RIMS1: variants seen among roughly 807,000 people sequenced by gnomAD.
RIMS1 encodes the protein regulating synaptic membrane exocytosis 1.
In RIMS1, 83 loss-of-function variants were observed where a neutral mutation model predicts 214.1. The observed-to-expected ratio is 0.39, with a 90% CI of 0.32 to 0.47. RIMS1 has a LOEUF of 0.47. Ranked by LOEUF, RIMS1 falls within the 20% of genes least tolerant of loss-of-function variation. RIMS1 has a pLI of 0.99. For synonymous variants in RIMS1, 793 were observed against 786.8 expected (o/e 1.01, Z -0.13); for missense variants, 2,050 against 2,161.8 (o/e 0.95, Z 1.03).
chr6:72,293,567 T>C (rs1047812858), intron 26 of RIMS1, among the ~76,000 whole-genome samples: 3 of 151,944 alleles, frequency 2.0e-5, no homozygotes, highest in African/African-American at 7.2e-5. Context: ...TGCTAAAGAT[T>C]GATATTCTAA....
chr6:71,894,098 A>G (rs1770840867), intron 1 of RIMS1, among the ~76,000 whole-genome samples: 1 of 152,204 alleles, frequency 6.6e-6, no homozygotes, highest in African/African-American at 2.4e-5. Flanking sequence ...AGCAAGTGGT[A>G]GATATAAAAT....
At chr6:72,330,951 G>GA (rs369522266) in intron 28 of RIMS1, among the ~76,000 whole-genome samples, 17 of 149,802 alleles carry the variant, frequency 1.1e-4, no homozygotes, top group East Asian at 3.9e-4. Flanking sequence ...TATTTTTTGA[G>GA]AAAAAAAAAC....
chr6:72,179,495 T>C, intron 4 of RIMS1, 80 bp from the exon 5 acceptor site: 1 of 1,149,082 alleles, frequency 8.7e-7, no homozygotes, highest in Non-Finnish European at 1.3e-6. Context: ...GTTCTTTTTT[T>C]CTTAAATATA....
intron 27 of RIMS1, 124 bp from the exon 28 acceptor site, chr6:72,313,382 T>G: frequency 1.4e-6 from 1 of 714,992 alleles, no homozygotes. Flanking sequence ...ATTTTAGATA[T>G]TACAGCTACT....
At chr6:72,332,615 G>A (rs903936020) in intron 28 of RIMS1, among the ~76,000 whole-genome samples, 1 of 149,474 alleles carries the variant, frequency 6.7e-6, no homozygotes, top group Non-Finnish European at 1.5e-5. Context: ...CAGCACACCA[G>A]CATGGCACAT....
chr6:72,340,059 G>T (rs1207488658), intron 29 of RIMS1, among the ~76,000 whole-genome samples: 6 of 152,094 alleles, frequency 3.9e-5, no homozygotes, highest in Admixed American at 3.3e-4. Flanking sequence ...TTTTTCATGT[G>T]GTTTTTGGCT....
chr6:72,171,393 TACAC>T (rs775678117), intron 4 of RIMS1, among the ~76,000 whole-genome samples: 1 of 150,232 alleles, frequency 6.7e-6, no homozygotes, highest in Non-Finnish European at 1.5e-5. Context: ...TATGCACACA[TACAC>T]ACACACACAC....
At chr6:71,895,739 AG>A (rs1199401693) in intron 1 of RIMS1, among the ~76,000 whole-genome samples, 1 of 101,988 alleles carries the variant, frequency 9.8e-6, no homozygotes, top group African/African-American at 3.9e-5. Flanking sequence ...TCTAGCTGCT[AG>A]CTGTTTTGTT....
intron 29 of RIMS1, among the ~76,000 whole-genome samples, chr6:72,373,926 A>AT (rs751780213): frequency 3.3e-5 from 5 of 151,824 alleles, no homozygotes; most frequent in Non-Finnish European, 7.4e-5. Flanking sequence ...TTTTATTTTT[A>AT]TTTTTTTGAG....
intron 4 of RIMS1, chr6:72,126,680 T>G (rs1419031261): frequency 7.6e-6 from 2 of 263,476 alleles, no homozygotes; most frequent in African/African-American, 4.7e-5. Flanking sequence ...GAAAAAATGC[T>G]CAGCATCACT....
At chr6:72,349,519 AATT>A (rs1263062508) in intron 29 of RIMS1, among the ~76,000 whole-genome samples, 2 of 151,908 alleles carry the variant, frequency 1.3e-5, no homozygotes, top group African/African-American at 4.8e-5. Context: ...GAAATATAAA[AATT>A]AACATATATA....
chr6:71,914,763 G>A (rs1021333542), intron 1 of RIMS1, among the ~76,000 whole-genome samples: 1 of 152,070 alleles, frequency 6.6e-6, no homozygotes, highest in African/African-American at 2.4e-5. Flanking sequence ...GTTCTTTACA[G>A]GGCAAAGTTA....
chr6:72,146,558 C>A (rs72936947), intron 4 of RIMS1, among the ~76,000 whole-genome samples: 7,814 of 152,184 alleles, frequency 0.051, 286 homozygotes, highest in Middle Eastern at 0.099. Flanking sequence ...CCCTGTTGTG[C>A]TTTTATTTCA....
intron 24 of RIMS1, among the ~76,000 whole-genome samples, chr6:72,288,206 C>G (rs2092722512): frequency 6.6e-6 from 1 of 151,934 alleles, no homozygotes. Context: ...CCAGGTCACT[C>G]TATGACCCTC....
chr6:72,168,487 G>T (rs990119754), intron 4 of RIMS1, among the ~76,000 whole-genome samples: 8 of 152,120 alleles, frequency 5.3e-5, no homozygotes, highest in Non-Finnish European at 8.8e-5. Context: ...TTTGGGGTGG[G>T]CTGTCCACAT....
intron 25 of RIMS1, among the ~76,000 whole-genome samples, chr6:72,291,695 T>C (rs1363414741): frequency 6.6e-6 from 1 of 152,212 alleles, no homozygotes; most frequent in Non-Finnish European, 1.5e-5. Flanking sequence ...GTGAATTGGA[T>C]TCTGCTCAGT....
At chr6:72,284,502 A>C (rs568397988) in intron 24 of RIMS1, among the ~76,000 whole-genome samples, 40 of 152,130 alleles carry the variant, frequency 2.6e-4, no homozygotes, top group Non-Finnish European at 4.7e-4. Context: ...TTATTTATCT[A>C]AATAATGCCA....
chr6:72,000,479 T>C (rs913974488), intron 2 of RIMS1, among the ~76,000 whole-genome samples: 1 of 152,210 alleles, frequency 6.6e-6, no homozygotes, highest in South Asian at 2.1e-4. Flanking sequence ...CTGTTTCTCT[T>C]CTCTACAATC....
At chr6:72,266,624 A>T (rs2080672527) in intron 22 of RIMS1, among the ~76,000 whole-genome samples, 1 of 152,180 alleles carries the variant, frequency 6.6e-6, no homozygotes, top group Non-Finnish European at 1.5e-5. Flanking sequence ...GATGCCTAAC[A>T]AAAAGAAATA....
Sources: gnomAD v4.1 joint callset for allele counts (sites outside exome capture counted in the v4.1 genomes callset) on GRCh38, gnomAD v4.1.1 for gene constraint, MANE v1.5 for transcripts, NCBI Gene and HGNC (gene_info 2026-07-23, HGNC 2026-07-21) for gene names.